The following RAB2A variants were observed in gnomAD, a reference collection of about 807,000 sequenced individuals.
RAB2A encodes RAB2A, member RAS oncogene family, also known as ras-related protein Rab-2A.
Under a neutral mutation model 32.5 loss-of-function variants are expected in RAB2A, and 7 were observed. The observed-to-expected ratio is 0.22, with a 90% confidence interval of 0.12 to 0.40. The LOEUF is 0.40. Ranked by LOEUF, RAB2A falls within the 10% of genes least tolerant of loss-of-function variation. RAB2A has a pLI of 1.00. For synonymous variants in RAB2A, 79 were observed against 85.2 expected (o/e 0.93, Z 0.40); for missense variants, 108 against 260.7 (o/e 0.41, Z 4.03).
intron 6 of RAB2A, among the ~76,000 whole-genome samples, chr8:60,600,916 A>G (rs773003743): frequency 6.6e-6 from 1 of 152,236 alleles, no homozygotes; most frequent in Non-Finnish European, 1.5e-5. Flanking sequence ...TGAAGTCACT[A>G]CTGGGGGGAA....
intron 1 of RAB2A, chr8:60,552,509 T>A (rs545680128): frequency 6.6e-6 from 1 of 152,336 alleles, no homozygotes; most frequent in African/African-American, 2.4e-5. Flanking sequence ...CTTTGTGATA[T>A]GATGGATTCA....
intron 1 of RAB2A, among the ~76,000 whole-genome samples, chr8:60,533,060 A>G (rs1807500863): frequency 6.6e-6 from 1 of 152,268 alleles, no homozygotes; most frequent in Non-Finnish European, 1.5e-5. Context: ...CATAAAAATG[A>G]AGTTAAAACC....
At position 60,617,442 on chromosome 8, in the gene RAB2A, A is replaced by G. The variant is rs557048101; in HGVS notation, c.475-1138A>G. Among the ~76,000 whole-genome samples, 8 of 152,332 alleles carry G rather than the reference A, an allele frequency of 5.3e-5. No homozygotes were observed. The South Asian group carries it at 1.0e-3, about 20-fold the overall frequency. ...TATCCAGAAGTAAGCTAGTTTTTAC[A>G]TGGAGGATTATGCAGTTTACATAAT... On this transcript the variant is annotated intron_variant, in intron 6 of 7. Coordinates refer to ENST00000262646, the MANE Select transcript of RAB2A (RefSeq NM_002865.3).
chr8:60,573,850 A>G (rs915866534), intron 3 of RAB2A, among the ~76,000 whole-genome samples: 1 of 152,228 alleles, frequency 6.6e-6, no homozygotes, highest in Admixed American at 6.5e-5. Context: ...TGGCACAATC[A>G]TAGCTCGCTG....
At chr8:60,596,738 G>C (rs1177861483) in intron 6 of RAB2A, among the ~76,000 whole-genome samples, 1 of 152,032 alleles carries the variant, frequency 6.6e-6, no homozygotes, top group Non-Finnish European at 1.5e-5. Flanking sequence ...TGGCTAACAG[G>C]GTGAAACCCC....
intron 1 of RAB2A, among the ~76,000 whole-genome samples, chr8:60,535,541 C>T (rs2130813363): frequency 6.6e-6 from 1 of 152,250 alleles, no homozygotes; most frequent in South Asian, 2.1e-4. Context: ...TTTAAAAACT[C>T]TCATAACTGA....
At position 60,575,994 on chromosome 8, in the gene RAB2A, G is replaced by C. The variant is rs143235309; in HGVS notation, c.186+3881G>C. On this transcript the variant is annotated intron_variant, in intron 3 of 7. Coordinates refer to ENST00000262646, the MANE Select transcript of RAB2A (RefSeq NM_002865.3). ...CATTTTTATCTTCAAAAAATTTAAG[G>C]AGTTTTCCTTGCAAGATTTTCACAT... is the stretch of plus-strand genomic sequence containing the variant. Among the ~76,000 whole-genome samples the C allele has an allele frequency of 2.2e-3, 337 of 152,232 alleles. 1 individual carries two copies. The highest frequency in any genetic ancestry group is 7.6e-3 in the African/African-American group (315 of 41,516).
intron 1 of RAB2A, among the ~76,000 whole-genome samples, chr8:60,543,197 C>T (rs1050033803): frequency 1.2e-4 from 19 of 152,190 alleles, no homozygotes; most frequent in African/African-American, 4.3e-4. Context: ...AGCTTACGAG[C>T]TTGGTGGCTT....
At chr8:60,535,944 A>G (rs1184759722) in intron 1 of RAB2A, among the ~76,000 whole-genome samples, 1 of 152,172 alleles carries the variant, frequency 6.6e-6, no homozygotes, top group East Asian at 1.9e-4. Flanking sequence ...GGGAGCTCAA[A>G]GAAGAGTGCT....
At chr8:60,588,346 A>G (rs1469973252) in intron 5 of RAB2A, among the ~76,000 whole-genome samples, 3 of 152,194 alleles carry the variant, frequency 2.0e-5, no homozygotes, top group South Asian at 2.1e-4. Context: ...TGTTTACCCA[A>G]CATAAATATG....
intron 1 of RAB2A, among the ~76,000 whole-genome samples, chr8:60,538,165 A>G (rs1361528623): frequency 6.6e-6 from 1 of 152,218 alleles, no homozygotes; most frequent in Non-Finnish European, 1.5e-5. Flanking sequence ...AAAATTATCA[A>G]ATGCTGTATT....
At chr8:60,549,783 GCAA>G (rs1807816681) in intron 1 of RAB2A, among the ~76,000 whole-genome samples, 1 of 151,494 alleles carries the variant, frequency 6.6e-6, no homozygotes, top group African/African-American at 2.4e-5. Flanking sequence ...TGGAAAAGTA[GCAA>G]CAATAACAAA....
chr8:60,547,170 C>G (rs1288295602), intron 1 of RAB2A, among the ~76,000 whole-genome samples: 2 of 151,830 alleles, frequency 1.3e-5, no homozygotes, highest in East Asian at 3.9e-4. Flanking sequence ...CCATTCAACC[C>G]TGAGTGGATA....
At chr8:60,569,181 C>T (rs567226433) in intron 2 of RAB2A, among the ~76,000 whole-genome samples, 8 of 152,192 alleles carry the variant, frequency 5.3e-5, no homozygotes, top group Non-Finnish European at 1.0e-4. Context: ...CAGTAATCAG[C>T]ACTTGTCAAT....
chr8:60,526,649 C>A (rs1807394315), intron 1 of RAB2A, among the ~76,000 whole-genome samples: 1 of 152,100 alleles, frequency 6.6e-6, no homozygotes. Context: ...TAAAGGCCTG[C>A]ATTAGTCCAT....
intron 6 of RAB2A, among the ~76,000 whole-genome samples, chr8:60,614,522 G>A (rs1299217928): frequency 6.6e-6 from 1 of 152,154 alleles, no homozygotes; most frequent in African/African-American, 2.4e-5. Context: ...TCAGAGTGCT[G>A]GGATTACAGG....
At chr8:60,604,973 C>T (rs962461217) in intron 6 of RAB2A, among the ~76,000 whole-genome samples, 24 of 152,310 alleles carry the variant, frequency 1.6e-4, no homozygotes, top group Admixed American at 1.3e-3. Flanking sequence ...GGGAGAAGGC[C>T]TGGAAGGCAT....
At chr8:60,611,710 A>G (rs1354637958) in intron 6 of RAB2A, among the ~76,000 whole-genome samples, 2 of 152,204 alleles carry the variant, frequency 1.3e-5, no homozygotes, top group Non-Finnish European at 2.9e-5. Flanking sequence ...TTTTAATTGA[A>G]AACATTTTAA....
intron 3 of RAB2A, among the ~76,000 whole-genome samples, chr8:60,575,093 G>GTTTT (rs59359164): frequency 1.6e-4 from 21 of 128,132 alleles, no homozygotes; most frequent in African/African-American, 4.6e-4. Context: ...TTTTTTGGGG[G>GTTTT]TTTTTTTTTT....
Sources: gnomAD v4.1 joint callset for allele counts (sites outside exome capture counted in the v4.1 genomes callset) on GRCh38, gnomAD v4.1.1 for gene constraint, MANE v1.5 for transcripts, NCBI Gene and HGNC (gene_info 2026-07-23, HGNC 2026-07-21) for gene names.